CCDC7: variants seen among roughly 807,000 people sequenced by gnomAD.
CCDC7 encodes coiled-coil domain-containing protein 7.
Under a neutral mutation model 196.9 loss-of-function variants are expected in CCDC7, and 183 were observed. That is an observed-to-expected ratio of 0.93 (90% CI 0.82 to 1.05). The LOEUF is 1.05. CCDC7 is among the 50% of genes least tolerant of loss of function. The probability of loss-of-function intolerance (pLI) is 0.00; values close to 1 mark genes in which losing one functional copy is unlikely to be tolerated. For missense variants in CCDC7, 1,540 were observed against 1,482.2 expected (o/e 1.04, Z -0.64); for synonymous variants, 525 against 484.6 (o/e 1.08, Z -1.10).
chr10:32,840,654 G>T (rs1489589519), intron 33 of CCDC7, among the ~76,000 whole-genome samples: 1 of 151,872 alleles, frequency 6.6e-6, no homozygotes, highest in Non-Finnish European at 1.5e-5. Flanking sequence ...ATCATTCTAT[G>T]AAGCCAGTAT....
At chr10:32,456,174 G>T in intron 2 of CCDC7, 77 bp from the exon 4 acceptor site, 1 of 1,311,602 alleles carries the variant, frequency 7.6e-7, no homozygotes, top group Non-Finnish European at 9.9e-7. Context: ...TTTTCAAAAA[G>T]TAAATATGCT....
At chr10:32,781,677 A>G (rs892830859) in intron 29 of CCDC7, among the ~76,000 whole-genome samples, 1 of 152,214 alleles carries the variant, frequency 6.6e-6, no homozygotes, top group Non-Finnish European at 1.5e-5. Flanking sequence ...GCCAAATACA[A>G]AAAATCCACA....
chr10:32,739,059 A>T lies in CCDC7; in HGVS notation c.2905+9602A>T, dbSNP rs557709544. Among the ~76,000 whole-genome samples, 20 of 151,426 alleles carry T rather than the reference A, an allele frequency of 1.3e-4. No individual in the cohort carries two copies. In the South Asian group the frequency reaches 3.7e-3, roughly 28 times the overall value. On this transcript the variant is annotated intron_variant, in intron 28 of 41. Transcript: ENST00000639629. ...TTTCCCACCTCTTTTATCTCTCAAG[A>T]TTTTCTTTTTGTCTTTGATTTTCTG...
intron 4 of CCDC7, 33 bp from the exon 6 acceptor site, chr10:32,462,984 T>C: frequency 3.1e-6 from 5 of 1,613,158 alleles, no homozygotes; most frequent in Non-Finnish European, 4.2e-6. Flanking sequence ...TAGTCACTAT[T>C]TCTTTTTTTG....
intron 28 of CCDC7, among the ~76,000 whole-genome samples, chr10:32,777,389 A>G (rs896044044): frequency 6.6e-6 from 1 of 152,148 alleles, no homozygotes; most frequent in African/African-American, 2.4e-5. Flanking sequence ...TCCTTTGGGT[A>G]TATAGCCAGG....
intron 18 of CCDC7, among the ~76,000 whole-genome samples, chr10:32,598,441 C>T (rs2060648391): frequency 1.3e-5 from 2 of 152,148 alleles, no homozygotes; most frequent in Non-Finnish European, 2.9e-5. Flanking sequence ...TTCCCTGATC[C>T]CTTGAGCTTC....
chr10:32,446,041 G>C (rs948256827), upstream of CCDC7: 3 of 152,176 alleles, frequency 2.0e-5, no homozygotes, highest in African/African-American at 7.2e-5. Context: ...GCCAAACTGC[G>C]TCTCCTCTTC....
At chr10:32,508,442 T>C (rs2045546648) in intron 9 of CCDC7, among the ~76,000 whole-genome samples, 1 of 152,208 alleles carries the variant, frequency 6.6e-6, no homozygotes, top group African/African-American at 2.4e-5. Context: ...GAAGAGTTAA[T>C]AGTGTTGCAA....
At chr10:32,630,155 G>T (rs755089977) in intron 18 of CCDC7, among the ~76,000 whole-genome samples, 47 of 152,118 alleles carry the variant, frequency 3.1e-4, no homozygotes, top group Non-Finnish European at 7.4e-5. Context: ...TGTTCACATG[G>T]TTCAAACTGC....
At chr10:32,472,539 G>A (rs201022333) in exon 7 of CCDC7, 1 of 1,575,476 alleles carries the variant, frequency 6.3e-7, no homozygotes, top group East Asian at 2.3e-5. Context: ...ACAGAAAATT[G>A]AAGGTGATAA....
intron 14 of CCDC7, among the ~76,000 whole-genome samples, chr10:32,566,739 C>T (rs1194992738): frequency 6.6e-6 from 1 of 151,376 alleles, no homozygotes; most frequent in Non-Finnish European, 1.5e-5. Flanking sequence ...TAGTGAAACC[C>T]TGTCTCTATT....
intron 21 of CCDC7, among the ~76,000 whole-genome samples, chr10:32,664,921 A>G (rs1173591717): frequency 6.6e-6 from 1 of 152,054 alleles, no homozygotes; most frequent in Non-Finnish European, 1.5e-5. Flanking sequence ...ACTAATTTAC[A>G]TTCCCACCAA....
intron 3 of CCDC7, among the ~76,000 whole-genome samples, chr10:32,457,873 G>GT (rs60179387): frequency 2.2e-4 from 33 of 149,690 alleles, no homozygotes; most frequent in African/African-American, 3.4e-4. Context: ...TTTAAAATCA[G>GT]TTTTTTTTTG....
rs550925129 is a variant in CCDC7, at chr10:32,637,312, T to C, written c.2014+2154T>C. Among the ~76,000 whole-genome samples the C allele has an allele frequency of 2.1e-3, 327 of 152,360 alleles. 4 individuals are homozygous for C. Among genetic ancestry groups the C allele is most frequent in the Admixed American group, 0.019 (290 of 15,302 alleles). ...GACATGAAGTCCTTGCCCATGCCTA[T>C]GTCCTGAATGGTATTGCCTAGGTTT... On this transcript the variant is annotated intron_variant, in intron 20 of 41. Transcript: ENST00000639629.
chr10:32,568,967 A>G (rs1226176519), intron 15 of CCDC7, among the ~76,000 whole-genome samples: 1 of 152,160 alleles, frequency 6.6e-6, no homozygotes, highest in African/African-American at 2.4e-5. Context: ...ATTGTTTTCT[A>G]TTTCCCAGTA....
At chr10:32,822,312 G>T (rs1038778287) in intron 31 of CCDC7, among the ~76,000 whole-genome samples, 6 of 152,116 alleles carry the variant, frequency 3.9e-5, no homozygotes, top group Non-Finnish European at 7.4e-5. Flanking sequence ...GTATCATTGG[G>T]CATATAACAT....
At chr10:32,832,273 G>T (rs997901356) in intron 32 of CCDC7, among the ~76,000 whole-genome samples, 4 of 152,072 alleles carry the variant, frequency 2.6e-5, no homozygotes, top group Admixed American at 6.6e-5. Context: ...AGGCCAAGGT[G>T]GGGGTGGATC....
chr10:32,516,719 G>A (rs1463922344), intron 9 of CCDC7, among the ~76,000 whole-genome samples: 11 of 152,160 alleles, frequency 7.2e-5, no homozygotes, highest in Non-Finnish European at 1.3e-4. Flanking sequence ...CTCATAATGG[G>A]AATTTAAATT....
At chr10:32,497,236 T>C (rs1292807142) in intron 9 of CCDC7, among the ~76,000 whole-genome samples, 1 of 152,242 alleles carries the variant, frequency 6.6e-6, no homozygotes, top group Non-Finnish European at 1.5e-5. Context: ...TCTGTGGTGA[T>C]ATTCCCTTTA....
Sources: gnomAD v4.1 joint callset for allele counts (sites outside exome capture counted in the v4.1 genomes callset) on GRCh38, gnomAD v4.1.1 for gene constraint, MANE v1.5 for transcripts, NCBI Gene and HGNC (gene_info 2026-07-23, HGNC 2026-07-21) for gene names.